MED12L: variants seen among roughly 807,000 people sequenced by gnomAD.
MED12L encodes mediator complex subunit 12L.
A neutral mutation model predicts 281.3 loss-of-function variants in MED12L; 60 were observed. The ratio of observed to expected loss-of-function variants is 0.21; its 90% CI spans 0.17 to 0.26. MED12L has a LOEUF of 0.26. Among genes scored for constraint, MED12L ranks in the 10% least tolerant of loss-of-function variants. The probability of loss-of-function intolerance (pLI) is 1.00; values close to 1 mark genes in which losing one functional copy is unlikely to be tolerated. For missense variants in MED12L, 2,146 were observed against 2,680.9 expected (o/e 0.80, Z 4.41); for synonymous variants, 974 against 987.2 (o/e 0.99, Z 0.25).
chr3:151,312,671 A>T (rs2149785560), intron 16 of MED12L, among the ~76,000 whole-genome samples: 2 of 152,340 alleles, frequency 1.3e-5, no homozygotes, highest in East Asian at 3.9e-4. Flanking sequence ...ATCTTGCTAC[A>T]TACAACAACA....
At chr3:151,432,709 G>C (rs375343794) in intron 44 of MED12L, 43 bp from the exon 45 acceptor site, 5 of 1,511,154 alleles carry the variant, frequency 3.3e-6, no homozygotes, top group Non-Finnish European at 4.6e-6. Context: ...CTGTGCAATA[G>C]TTTTGTGTCT....
At chr3:151,394,526 G>A (rs1335896267) in intron 38 of MED12L, 130 bp from the exon 39 acceptor site, 1 of 1,389,444 alleles carries the variant, frequency 7.2e-7, no homozygotes, top group African/African-American at 1.4e-5. Context: ...GTGGCAGGTG[G>A]GACAGTGCAT....
chr3:151,136,326 T>A (rs1716136794), intron 5 of MED12L, among the ~76,000 whole-genome samples: 1 of 152,252 alleles, frequency 6.6e-6, no homozygotes, highest in African/African-American at 2.4e-5. Flanking sequence ...GCATACTAAC[T>A]TTTTTGATTC....
chr3:151,261,749 G>A (rs1162676488), intron 16 of MED12L, among the ~76,000 whole-genome samples: 1 of 150,728 alleles, frequency 6.6e-6, no homozygotes, highest in Admixed American at 6.6e-5. Context: ...TTTTGAGACA[G>A]AGTCTTGCTG....
At chr3:151,323,291 C>T (rs1749204035) in intron 16 of MED12L, among the ~76,000 whole-genome samples, 2 of 152,144 alleles carry the variant, frequency 1.3e-5, no homozygotes, top group Admixed American at 6.5e-5. Flanking sequence ...CTCACTGGCT[C>T]TTCCTTCAGT....
At chr3:151,328,021 G>A in intron 16 of MED12L, 1 of 1,589,834 alleles carries the variant, frequency 6.3e-7, no homozygotes, top group Non-Finnish European at 8.5e-7. Context: ...CTGTCTGACT[G>A]CTATGATTTT....
chr3:151,156,392 AT>A lies in MED12L; in HGVS notation c.726+63del, dbSNP rs1719289235. 3.4e-6 allele frequency: 5 copies of A among 1,471,642 alleles called. No homozygotes were observed. The South Asian group carries it at 6.8e-5, about 20-fold the overall frequency. The allele number at this position is 1,471,642 out of a possible 1,614,324, so 91.2% of individuals were successfully genotyped here. On this transcript the variant is annotated intron_variant, in intron 6 of 44. Transcript: ENST00000687756. ...CTTTTAAGAAGACAGCAAATTCCTTATAGTTTGGTGTTCTGGGGTTAAATCC... is the reference window on the plus strand; with the variant it reads ...CTTTTAAGAAGACAGCAAATTCCTTAAGTTTGGTGTTCTGGGGTTAAATCC...
At chr3:151,229,583 A>C (rs1191149354) in intron 16 of MED12L, among the ~76,000 whole-genome samples, 1 of 142,688 alleles carries the variant, frequency 7.0e-6, no homozygotes, top group Non-Finnish European at 1.5e-5. Context: ...GGTTCATGCC[A>C]TTTTCCTGCC....
intron 43 of MED12L, among the ~76,000 whole-genome samples, chr3:151,420,368 T>C (rs1217497555): frequency 2.6e-5 from 4 of 152,120 alleles, no homozygotes; most frequent in Non-Finnish European, 5.9e-5. Context: ...TTTAATAGAA[T>C]CATTGTATTC....
intron 16 of MED12L, among the ~76,000 whole-genome samples, chr3:151,303,381 G>T (rs1488623284): frequency 6.6e-6 from 1 of 152,100 alleles, no homozygotes; most frequent in Non-Finnish European, 1.5e-5. Context: ...GCTTGGAGAA[G>T]TACTCCTGGC....
intron 16 of MED12L, chr3:151,213,261 A>G (rs932466851): frequency 2.0e-6 from 3 of 1,466,998 alleles, no homozygotes; most frequent in Admixed American, 2.1e-5. Flanking sequence ...GAAGATGACA[A>G]CATGCACACG....
Position 151,389,967 on chromosome 3 carries a change from T to C in MED12L, c.5452-12T>C. On this transcript the variant is annotated splice_polypyrimidine_tract_variant and intron_variant, in intron 37 of 44. Transcript: ENST00000687756. ...GGAGTTACGTAACTTTTTAAAAAAC[T>C]TTATGTTGAAGGAATATCCACAGAG... The C allele has an allele frequency of 1.9e-6, 3 of 1,613,386 alleles. No homozygotes were observed. The highest frequency in any genetic ancestry group is 2.2e-5 in the South Asian group (2 of 90,998).
chr3:151,394,854 G>C lies in MED12L; in HGVS notation c.5807G>C (p.Arg1936Pro). 1 of 1,613,978 alleles carries C rather than the reference G, an allele frequency of 6.2e-7. No homozygotes were observed. Among genetic ancestry groups the C allele is most frequent in the Non-Finnish European group, 8.5e-7 (1 of 1,180,024 alleles). Residue 1936 changes from arginine (R) to proline (P), a missense_variant, in exon 39 of 45, where the codon CGG becomes CCG. Arg to Pro is a moderately radical substitution (Grantham distance 103). Around this residue, in one of 9 missense-constraint regions of MED12L, gnomAD observed 496 missense variants for 512.0 expected, o/e 0.97. Transcript: ENST00000687756. The stretch of plus-strand genomic sequence containing the variant: ...CGACTTCTCAGGCAAGCCCAGACTC[G>C]GCCTTTCCAACAGGTTTGTCCAGAC... ...QQRLLRQAQTRPFQQGQPGDQ... is the reference protein window; with the variant it reads ...QQRLLRQAQTPPFQQGQPGDQ...
At chr3:151,198,658 T>A (rs1460216671) in intron 16 of MED12L, 2 of 1,614,128 alleles carry the variant, frequency 1.2e-6, no homozygotes, top group Admixed American at 3.3e-5. Context: ...TATACGGGAT[T>A]CGGACAATGT....
chr3:151,151,971 G>C, intron 5 of MED12L, among the ~76,000 whole-genome samples: 1 of 151,522 alleles, frequency 6.6e-6, no homozygotes, highest in Non-Finnish European at 1.5e-5. Flanking sequence ...GGGAGAGAAA[G>C]CAACTGGAGC....
intron 11 of MED12L, among the ~76,000 whole-genome samples, chr3:151,173,945 G>A (rs944942284): frequency 2.6e-5 from 4 of 152,102 alleles, no homozygotes; most frequent in Non-Finnish European, 5.9e-5. Flanking sequence ...AAAGTTTTTT[G>A]TACAGTGATG....
intron 43 of MED12L, chr3:151,425,682 T>C (rs745642973): frequency 6.6e-6 from 3 of 456,702 alleles, no homozygotes; most frequent in South Asian, 3.1e-5. Context: ...TATTCGGTCT[T>C]GTGGTTACAG....
intron 16 of MED12L, among the ~76,000 whole-genome samples, chr3:151,209,656 A>G (rs1238194157): frequency 1.3e-5 from 2 of 152,124 alleles, no homozygotes; most frequent in Non-Finnish European, 2.9e-5. Context: ...AATTTGTATA[A>G]TATTATCTCT....
chr3:151,209,077 A>G (rs1726772448), intron 16 of MED12L, among the ~76,000 whole-genome samples: 1 of 152,220 alleles, frequency 6.6e-6, no homozygotes, highest in African/African-American at 2.4e-5. Context: ...AGAATCATAC[A>G]ATGAACACCT....
Sources: allele counts gnomAD v4.1 joint callset (sites outside exome capture counted in the v4.1 genomes callset), GRCh38; gene constraint gnomAD v4.1.1; regional missense constraint gnomAD v4.1.1; transcripts MANE v1.5; gene names NCBI Gene and HGNC (gene_info 2026-07-23, HGNC 2026-07-21).